Variants in ZNF791 observed in about 807,000 individuals in gnomAD.
ZNF791 encodes the protein zinc finger protein 791.
A neutral mutation model predicts 11.5 loss-of-function variants in ZNF791; 4 were observed. That is an observed-to-expected ratio of 0.35 (90% CI 0.17 to 0.80). The LOEUF (loss-of-function observed/expected upper bound fraction) is 0.80, where lower values mean the gene tolerates loss of function less well. ZNF791 is among the 30% of genes least tolerant of loss of function. The pLI, the probability that ZNF791 is intolerant of heterozygous loss-of-function variation, is 0.53. For synonymous variants in ZNF791, 212 were observed against 228.1 expected (o/e 0.93, Z 0.64); for missense variants, 559 against 699.4 (o/e 0.80, Z 2.26).
In ZNF791 at chr19:12,631,561, A is replaced by T. The variant is rs1240243687; in HGVS notation, c.*2301A>T. ...AGCCTGGCCAAGACGGTGAAACCCC[A>T]TCTCTACTAAAAATACAAAAATTAC... On this transcript the variant is annotated 3_prime_UTR_variant, in exon 4 of 4. Coordinates refer to ENST00000343325, the MANE Select transcript of ZNF791 (RefSeq NM_153358.3). 6.6e-6 allele frequency: 1 copy of T among 152,162 alleles called. No homozygotes were observed. Among genetic ancestry groups the T allele is most frequent in the South Asian group, 2.1e-4 (1 of 4,828 alleles). The allele number at this position is 152,162 out of a possible 1,614,324, so 9.4% of individuals were successfully genotyped here. A position where few individuals can be genotyped will look rare whatever the true frequency, so the allele number is the denominator to read the frequency against.
At chr19:12,617,913 C>CT (rs958944041) in intron 1 of ZNF791, among the ~76,000 whole-genome samples, 6,536 of 94,700 alleles carry the variant, frequency 0.069, 507 homozygotes, top group African/African-American at 0.14. Context: ...CTAAATTTTG[C>CT]TTTTTTTTTT....
rs187444443 is a variant in ZNF791, at chr19:12,629,001, C to A, written c.1472C>A (p.Thr491Asn). The A allele has an allele frequency of 1.1e-5, 18 of 1,613,956 alleles. 1 individual carries two copies. The Admixed American group carries it at 2.5e-4, about 22-fold the overall frequency. ...SYIRIHKRTH[T>N]GEKPYECKEC... Reference sequence around the variant, plus strand: ...ATTCGGATACATAAAAGAACTCACACTGGGGAGAAACCTTATGAATGTAAG... The same window carrying A: ...ATTCGGATACATAAAAGAACTCACAATGGGGAGAAACCTTATGAATGTAAG... Residue 491 changes from threonine to asparagine, a missense_variant, in exon 4 of 4, where the codon ACT becomes AAT. Transcript: ENST00000343325.
intron 1 of ZNF791, among the ~76,000 whole-genome samples, chr19:12,613,398 T>G (rs969714741): frequency 5.3e-5 from 8 of 151,796 alleles, no homozygotes; most frequent in African/African-American, 7.2e-5. Flanking sequence ...TGGCTAACAT[T>G]GTGAAACCCC....
chr19:12,617,071 C>T (rs933428928), intron 1 of ZNF791, among the ~76,000 whole-genome samples: 1 of 151,404 alleles, frequency 6.6e-6, no homozygotes, highest in Non-Finnish European at 1.5e-5. Flanking sequence ...TTGCATTCCA[C>T]AAATTTTGAT....
rs149199291 is a variant in ZNF791, at chr19:12,626,621, T to G, written c.192-1100T>G. On this transcript the variant is annotated intron_variant, in intron 3 of 3. Coordinates refer to ENST00000343325, the MANE Select transcript of ZNF791 (RefSeq NM_153358.3). ...TTTTATTTTATTTTTATTTTTATTT[T>G]TGAGACGAAGTCTTGCTCTGTCACC... Among the ~76,000 whole-genome samples, 9 of 152,080 alleles carry G rather than the reference T, an allele frequency of 5.9e-5. No homozygotes were observed. The East Asian group carries it at 1.8e-3, about 30-fold the overall frequency.
In ZNF791 at chr19:12,628,576, G is replaced by A. The variant is rs575793486; in HGVS notation, c.1047G>A (p.Val349=). ...ARPAFRVHVR[V]HTGEKPYKCK... is the part of the protein sequence containing the mutation. ...CAGCCTTTCGAGTACACGTGAGAGT[G>A]CATACTGGAGAGAAACCCTATAAGT... The change falls in exon 4 of 4, where the codon GTG becomes GTA. Residue 349 remains valine, a synonymous_variant. Transcript: ENST00000343325. 6.3e-6 allele frequency: 10 copies of A among 1,596,066 alleles called. No individual in the cohort carries two copies. The African/African-American group carries it at 1.2e-4, about 20-fold the overall frequency.
rs1477429710 is a variant in ZNF791 at position 12,633,304 on chromosome 19, A to G, written c.*4044A>G. Reference sequence around the variant, plus strand: ...AGGACACCTGTGATAGGACAATAAAATCTAGAGCTGGACGTGGCCCTCCTG... The same window carrying G: ...AGGACACCTGTGATAGGACAATAAAGTCTAGAGCTGGACGTGGCCCTCCTG... On this transcript the variant is annotated 3_prime_UTR_variant, in exon 4 of 4. Transcript: ENST00000343325. The G allele has an allele frequency of 6.6e-6, 1 of 152,082 alleles. No individual in the cohort carries two copies. Among genetic ancestry groups the G allele is most frequent in the Non-Finnish European group, 1.5e-5 (1 of 68,026 alleles). 9.4% of individuals were successfully genotyped at this position (152,082 alleles called of 1,614,324 possible).
intron 2 of ZNF791, among the ~76,000 whole-genome samples, chr19:12,624,268 T>G (rs1345480871): frequency 6.6e-6 from 1 of 150,530 alleles, no homozygotes; most frequent in Non-Finnish European, 1.5e-5. Context: ...TTCTCCTGCC[T>G]CAGCCTCCCG....
chr19:12,628,056 A>G lies in ZNF791; in HGVS notation c.527A>G (p.Gln176Arg). 6.2e-7 allele frequency: 1 copy of G among 1,613,280 alleles called. No homozygotes were observed. Among genetic ancestry groups the G allele is most frequent in the Non-Finnish European group, 8.5e-7 (1 of 1,179,714 alleles). The change falls in exon 4 of 4, where the codon CAA (glutamine) becomes CGA (arginine). Residue 176 changes from glutamine (Q) to arginine (R), a missense_variant. Physicochemically the swap from Gln to Arg is conservative, Grantham distance 43. Transcript: ENST00000343325. ...ACCTTCATATATCACCAGCCCTTTC[A>G]AAGACATGAGCGGACTCACATTGGA... ...GKTFIYHQPF[Q>R]RHERTHIGEK...
rs574078799 is a variant in ZNF791 at position 12,617,366 on chromosome 19, C to T, written c.3+6284C>T. ...GTCTCGAACTCCTGACCTCGTGATC[C>T]GCCCACCTTGGCCCCCCAGAGTGCT... On this transcript the variant is annotated intron_variant, in intron 1 of 3. Coordinates refer to ENST00000343325, the MANE Select transcript of ZNF791 (RefSeq NM_153358.3). 1.9e-4 allele frequency among the ~76,000 whole-genome samples: 29 copies of T among 152,150 alleles called. 1 individual carries two copies. The East Asian group carries it at 4.6e-3, about 24-fold the overall frequency.
At position 12,611,043 on chromosome 19, in the gene ZNF791, CTTAGGGACAA is replaced by C. The variant is rs773177149; in HGVS notation, c.-36_-27del. 1 of 1,614,100 alleles carries C rather than the reference CTTAGGGACAA, an allele frequency of 6.2e-7. No homozygotes were observed. The highest frequency in any genetic ancestry group is 1.1e-5 in the South Asian group (1 of 91,086). The stretch of plus-strand genomic sequence containing the variant: ...TGTACCCTGCGCTGGCTCCGTGAAC[CTTAGGGACAA>C]CACCGGGACACCCGCGAGGCCGGAA... On this transcript the variant is annotated 5_prime_UTR_variant, in exon 1 of 4. An upstream open reading frame in the 5' UTR loses its in-frame stop. Transcript: ENST00000343325.
chr19:12,615,656 G>A (rs1366928007), intron 1 of ZNF791, among the ~76,000 whole-genome samples: 46 of 151,320 alleles, frequency 3.0e-4, no homozygotes, highest in Non-Finnish European at 1.0e-4. Flanking sequence ...GCGCACACCT[G>A]TAATCTCAGC....
At position 12,629,395 on chromosome 19, in the gene ZNF791, G is replaced by A. The variant is rs2023471760; in HGVS notation, c.*135G>A. The A allele has an allele frequency of 3.2e-6, 2 of 633,120 alleles. No homozygotes were observed. The highest frequency in any genetic ancestry group is 3.4e-5 in the South Asian group (1 of 29,010). The allele number at this position is 633,120 out of a possible 1,614,324, so 39.2% of individuals were successfully genotyped here. On this transcript the variant is annotated 3_prime_UTR_variant, in exon 4 of 4. Coordinates refer to ENST00000343325, the MANE Select transcript of ZNF791 (RefSeq NM_153358.3). ...GAAAGCGAGATACAAGATGATTCAT[G>A]TATAGTCAGGTACCACATAATCATG... is the stretch of plus-strand genomic sequence containing the variant.
chr19:12,616,161 G>T (rs550959774), intron 1 of ZNF791, among the ~76,000 whole-genome samples: 2 of 152,244 alleles, frequency 1.3e-5, no homozygotes, highest in South Asian at 2.1e-4. Context: ...TTTATTTGCA[G>T]CTCCTTAGTG....
At chr19:12,616,397 A>C (rs1166211015) in intron 1 of ZNF791, among the ~76,000 whole-genome samples, 1 of 152,228 alleles carries the variant, frequency 6.6e-6, no homozygotes, top group Non-Finnish European at 1.5e-5. Flanking sequence ...TTATAAGCCC[A>C]GCATGGGCAA....
intron 2 of ZNF791, 44 bp downstream of exon 2, chr19:12,623,870 T>TTTTTTTTTTGGG: frequency 1.4e-6 from 1 of 712,924 alleles, no homozygotes. Context: ...TTTTTTTTTT[T>TTTTTTTTTTGGG]GGGGGGGGAC....
chr19:12,621,860 A>G (rs2023354697), intron 1 of ZNF791, among the ~76,000 whole-genome samples: 1 of 131,474 alleles, frequency 7.6e-6, no homozygotes, highest in Non-Finnish European at 1.7e-5. Context: ...AGGTGTGCCT[A>G]ACAGCTCATT....
In ZNF791 at chr19:12,614,723, T is replaced by C. The variant is rs189601197; in HGVS notation, c.3+3641T>C. On this transcript the variant is annotated intron_variant, in intron 1 of 3. Coordinates refer to ENST00000343325, the MANE Select transcript of ZNF791 (RefSeq NM_153358.3). Reference sequence around the variant, plus strand: ...GATTCTTCTGCCTCAGCCTCCCAGGTAGCTGGGATTACAGGCGTGCGCCAC... The same window carrying C: ...GATTCTTCTGCCTCAGCCTCCCAGGCAGCTGGGATTACAGGCGTGCGCCAC... Among the ~76,000 whole-genome samples, 830 of 151,554 alleles carry C rather than the reference T, an allele frequency of 5.5e-3. 1 individual carries two copies. Among genetic ancestry groups the C allele is most frequent in the Non-Finnish European group, 9.7e-3 (659 of 67,908 alleles).
intron 1 of ZNF791, among the ~76,000 whole-genome samples, chr19:12,614,681 G>A (rs55787584): frequency 0.045 from 6,610 of 148,162 alleles, 184 homozygotes; most frequent in Non-Finnish European, 0.066. Flanking sequence ...CGCAACCTCC[G>A]CTTCCCAGGT....
Sources: gnomAD v4.1 joint callset for allele counts (sites outside exome capture counted in the v4.1 genomes callset) on GRCh38, gnomAD v4.1.1 for gene constraint, MANE v1.5 for transcripts, NCBI Gene and HGNC (gene_info 2026-07-23, HGNC 2026-07-21) for gene names.